The following PHACTR1 variants were observed in gnomAD, a reference collection of about 807,000 sequenced individuals.
PHACTR1 encodes the protein RPEL repeat containing 1.
A neutral mutation model predicts 69.2 loss-of-function variants in PHACTR1; 16 were observed. The ratio of observed to expected loss-of-function variants is 0.23; its 90% CI spans 0.16 to 0.35. PHACTR1 has a LOEUF of 0.35. Ranked by LOEUF, PHACTR1 falls within the 10% of genes least tolerant of loss-of-function variation. PHACTR1 has a pLI of 1.00. For missense variants in PHACTR1, 510 were observed against 734.7 expected, an observed-to-expected ratio of 0.69 and a Z score of 3.54; for synonymous variants, 312 against 284.5, an observed-to-expected ratio of 1.10 and a Z score of -0.97.
intron 4 of PHACTR1, among the ~76,000 whole-genome samples, chr6:12,964,422 A>G (rs1793171526): frequency 6.6e-6 from 1 of 152,182 alleles, no homozygotes; most frequent in Non-Finnish European, 1.5e-5. Flanking sequence ...CTGAATAGGT[A>G]TATTTTAATA....
chr6:12,868,517 G>A (rs769055174), intron 4 of PHACTR1, among the ~76,000 whole-genome samples: 3 of 152,136 alleles, frequency 2.0e-5, no homozygotes, highest in Non-Finnish European at 4.4e-5. Flanking sequence ...ATCAAGATGA[G>A]TGAATCAAGA....
intron 4 of PHACTR1, among the ~76,000 whole-genome samples, chr6:13,008,734 T>C (rs1279569577): frequency 6.6e-6 from 1 of 152,254 alleles, no homozygotes; most frequent in African/African-American, 2.4e-5. Context: ...TTGTTCTTAA[T>C]CTGCACTTTG....
In PHACTR1 at chr6:13,153,398, C is replaced by T. The variant is rs184688640; in HGVS notation, c.416-6806C>T. Among the ~76,000 whole-genome samples, 5 of 152,286 alleles carry T rather than the reference C, an allele frequency of 3.3e-5. No individual in the cohort carries two copies. The East Asian group carries it at 7.7e-4, about 23-fold the overall frequency. ...CACTCTAATTGAGAAATCATTCTTC[C>T]AGTCATATTTCAGGCAAGTGAGATA... is the stretch of plus-strand genomic sequence containing the variant. On this transcript the variant is annotated intron_variant, in intron 5 of 14. Coordinates refer to ENST00000332995, the MANE Select transcript of PHACTR1 (RefSeq NM_030948.6).
intron 4 of PHACTR1, among the ~76,000 whole-genome samples, chr6:13,042,762 C>T (rs1174847475): frequency 1.3e-5 from 2 of 152,132 alleles, no homozygotes; most frequent in African/African-American, 4.8e-5. Context: ...AGACTTTTCA[C>T]TTTTAGATAA....
intron 4 of PHACTR1, among the ~76,000 whole-genome samples, chr6:12,808,882 G>C (rs1463889547): frequency 6.7e-6 from 1 of 149,594 alleles, no homozygotes; most frequent in African/African-American, 2.5e-5. Context: ...CTTTGGGGGC[G>C]GTGGGTGGTG....
At chr6:12,945,791 C>G (rs987008827) in intron 4 of PHACTR1, among the ~76,000 whole-genome samples, 1 of 151,910 alleles carries the variant, frequency 6.6e-6, no homozygotes, top group Non-Finnish European at 1.5e-5. Context: ...TGACAAAACC[C>G]CAACTTTACT....
intron 4 of PHACTR1, among the ~76,000 whole-genome samples, chr6:13,002,162 G>A (rs945627469): frequency 2.6e-5 from 4 of 152,160 alleles, no homozygotes; most frequent in African/African-American, 9.7e-5. Flanking sequence ...ATTTTGGAGA[G>A]CACAGTGGCA....
chr6:13,156,305 G>A (rs1247799219), intron 5 of PHACTR1, among the ~76,000 whole-genome samples: 1 of 152,200 alleles, frequency 6.6e-6, no homozygotes, highest in Admixed American at 6.5e-5. Flanking sequence ...AGCCATAGAA[G>A]AAATAAGCCA....
At chr6:13,230,993 G>C (rs1770804225) in intron 10 of PHACTR1, among the ~76,000 whole-genome samples, 1 of 117,676 alleles carries the variant, frequency 8.5e-6, no homozygotes, top group Non-Finnish European at 2.1e-5. Flanking sequence ...TCCAGCCCAG[G>C]TGACAGAGAG....
chr6:13,187,216 C>T (rs1762933545), intron 7 of PHACTR1, among the ~76,000 whole-genome samples: 1 of 152,184 alleles, frequency 6.6e-6, no homozygotes, highest in African/African-American at 2.4e-5. Flanking sequence ...GTTCATGGCC[C>T]TGGTGGTTGG....
chr6:13,046,985 T>G (rs978418073), intron 4 of PHACTR1, among the ~76,000 whole-genome samples: 3 of 152,162 alleles, frequency 2.0e-5, no homozygotes, highest in Admixed American at 2.0e-4. Context: ...AACCCTTCAT[T>G]TATTTATGAT....
intron 6 of PHACTR1, among the ~76,000 whole-genome samples, chr6:13,181,234 A>G (rs1385064697): frequency 2.0e-5 from 3 of 152,190 alleles, no homozygotes; most frequent in Non-Finnish European, 4.4e-5. Flanking sequence ...CTGTGCCACC[A>G]TAGATCAGTG....
chr6:13,148,180 G>GTTT, intron 5 of PHACTR1, among the ~76,000 whole-genome samples: 1 of 132,204 alleles, frequency 7.6e-6, no homozygotes, highest in East Asian at 2.2e-4. Context: ...GTGTTTACTG[G>GTTT]TTTTTTTTTT....
chr6:12,878,047 G>A (rs951482257), intron 4 of PHACTR1, among the ~76,000 whole-genome samples: 2 of 152,202 alleles, frequency 1.3e-5, no homozygotes, highest in Non-Finnish European at 2.9e-5. Context: ...GCAGTTGTCA[G>A]CTAAGTGTTC....
intron 4 of PHACTR1, among the ~76,000 whole-genome samples, chr6:12,830,745 T>A (rs1371912543): frequency 1.3e-5 from 2 of 151,868 alleles, no homozygotes; most frequent in Non-Finnish European, 2.9e-5. Context: ...CCTGCCACCA[T>A]GCCCAGCTCA....
intron 4 of PHACTR1, among the ~76,000 whole-genome samples, chr6:12,885,590 G>T (rs950347176): frequency 1.3e-5 from 2 of 152,252 alleles, no homozygotes; most frequent in Non-Finnish European, 2.9e-5. Context: ...CCCTTACAGG[G>T]TTTGTTTAAT....
chr6:12,767,105 G>A (rs958391905), intron 4 of PHACTR1, among the ~76,000 whole-genome samples: 4 of 152,174 alleles, frequency 2.6e-5, no homozygotes, highest in South Asian at 4.1e-4. Context: ...TCAATAATAC[G>A]TCAGGTGGGT....
At position 12,969,180 on chromosome 6, in the gene PHACTR1, A is replaced by G. The variant is rs192987456; in HGVS notation, c.251-84185A>G. 3.5e-3 allele frequency among the ~76,000 whole-genome samples: 527 copies of G among 152,338 alleles called. 3 individuals carry two copies. The highest frequency in any genetic ancestry group is 0.012 in the African/African-American group (493 of 41,574). ...AAAGTACCTCAAGCAATCCTAATGT[A>G]TAGCTAGCACTGAGAAGCTCTGACC... On this transcript the variant is annotated intron_variant, in intron 4 of 14. Transcript: ENST00000332995.
chr6:13,284,505 G>A (rs1781042789), intron 13 of PHACTR1, among the ~76,000 whole-genome samples: 1 of 76,120 alleles, frequency 1.3e-5, no homozygotes. Flanking sequence ...TGACAACAGT[G>A]AAACTCCATC....
Sources: gnomAD v4.1 joint callset for allele counts (sites outside exome capture counted in the v4.1 genomes callset) on GRCh38, gnomAD v4.1.1 for gene constraint, MANE v1.5 for transcripts, NCBI Gene and HGNC (gene_info 2026-07-23, HGNC 2026-07-21) for gene names.